Variants in HOMER2 observed in about 807,000 individuals in gnomAD.
HOMER2 encodes homer protein homolog 2.
A neutral mutation model predicts 47.0 loss-of-function variants in HOMER2; 27 were observed. The ratio of observed to expected loss-of-function variants is 0.57; its 90% CI spans 0.42 to 0.79. HOMER2 has a LOEUF of 0.79. HOMER2 is among the 30% of genes least tolerant of loss of function. The pLI is 0.00. For missense variants in HOMER2, 443 were observed against 435.0 expected, an observed-to-expected ratio of 1.02 and a Z score of -0.16; for synonymous variants, 161 against 163.8, an observed-to-expected ratio of 0.98 and a Z score of 0.13.
At chr15:82,923,382 G>A (rs946302333) in intron 1 of HOMER2, among the ~76,000 whole-genome samples, 1 of 151,854 alleles carries the variant, frequency 6.6e-6, no homozygotes, top group Non-Finnish European at 1.5e-5. Flanking sequence ...AGCTACTCAG[G>A]AGGCTGAGGC....
At chr15:82,914,634 T>C (rs2053536273) in intron 1 of HOMER2, among the ~76,000 whole-genome samples, 1 of 151,216 alleles carries the variant, frequency 6.6e-6, no homozygotes, top group South Asian at 2.1e-4. Context: ...AAATGGAGAG[T>C]AGTGATGGCT....
At position 82,888,760 on chromosome 15, in the gene HOMER2, C is replaced by T. The variant is rs1353234864; in HGVS notation, c.162+3925G>A. 2.4e-5 allele frequency among the ~76,000 whole-genome samples: 2 copies of T among 83,802 alleles called. 1 individual carries two copies. Among genetic ancestry groups the T allele is most frequent in the Non-Finnish European group, 4.5e-5 (2 of 44,476 alleles). 55.0% of individuals were successfully genotyped at this position (83,802 alleles called of 152,430 possible). On this transcript the variant is annotated intron_variant, in intron 2 of 8. Transcript: ENST00000450735. ...GCCTCGCCCTGCTTCAGCTCGCGCA[C>T]GGTGCGCACACACACTGGCCTGCGC...
chr15:82,901,142 A>G (rs572025123), intron 1 of HOMER2, among the ~76,000 whole-genome samples: 5 of 152,312 alleles, frequency 3.3e-5, no homozygotes, highest in African/African-American at 1.2e-4. Context: ...GGCTACCCAG[A>G]AAAGCCATCA....
At chr15:82,893,642 T>C (rs1320823821) in intron 1 of HOMER2, among the ~76,000 whole-genome samples, 1 of 147,402 alleles carries the variant, frequency 6.8e-6, no homozygotes, top group Non-Finnish European at 1.5e-5. Flanking sequence ...TTTTTTTTTT[T>C]AAGAGACAGT....
At chr15:82,956,974 A>T (rs2054593039), upstream of HOMER2, among the ~76,000 whole-genome samples, 1 of 152,052 alleles carries the variant, frequency 6.6e-6, no homozygotes, top group African/African-American at 2.4e-5. Flanking sequence ...ATCTCTTTGG[A>T]CTATTAAGAA....
intron 1 of HOMER2, among the ~76,000 whole-genome samples, chr15:82,903,838 T>TA (rs1473212519): frequency 1.3e-5 from 2 of 151,448 alleles, no homozygotes; most frequent in African/African-American, 2.4e-5. Context: ...CTACTAGAAA[T>TA]AGAAAAATTA....
intron 4 of HOMER2, among the ~76,000 whole-genome samples, chr15:82,861,738 G>A (rs1340249057): frequency 6.6e-6 from 1 of 152,186 alleles, no homozygotes; most frequent in Non-Finnish European, 1.5e-5. Flanking sequence ...CGGGTGCAGT[G>A]GCTCACACCT....
chr15:82,875,545 A>T, intron 2 of HOMER2, 141 bp from the exon 3 acceptor site: 1 of 818,534 alleles, frequency 1.2e-6, no homozygotes, highest in South Asian at 1.8e-5. Flanking sequence ...GTTCTCCTGG[A>T]ACAACCCATG....
chr15:82,859,290 A>G, intron 4 of HOMER2, 155 bp from the exon 5 acceptor site: 2 of 1,000,482 alleles, frequency 2.0e-6, no homozygotes, highest in South Asian at 1.6e-5. Context: ...TGCAGCAAAG[A>G]CTAACAAGTT....
At chr15:82,879,296 G>C (rs1449973438) in intron 2 of HOMER2, among the ~76,000 whole-genome samples, 1 of 152,162 alleles carries the variant, frequency 6.6e-6, no homozygotes, top group Admixed American at 6.5e-5. Context: ...AAGAGTTCGA[G>C]ACCAGCCTGG....
rs563381055 is a variant in HOMER2, at chr15:82,914,499, T to C, written c.6-21658A>G. On this transcript the variant is annotated intron_variant, in intron 1 of 8. Coordinates refer to ENST00000450735, the MANE Select transcript of HOMER2 (RefSeq NM_004839.4). ...TATTCTATGAGTCCACTTATATGAA[T>C]CAAATTGTCAAATTCATAGAGACAG... is the stretch of plus-strand genomic sequence containing the variant. Among the ~76,000 whole-genome samples, 10 of 151,730 alleles carry C rather than the reference T, an allele frequency of 6.6e-5. No homozygotes were observed. In the South Asian group the frequency reaches 2.1e-3, roughly 32 times the overall value.
intron 1 of HOMER2, among the ~76,000 whole-genome samples, chr15:82,985,148 T>C (rs1204969003): frequency 1.3e-5 from 2 of 152,220 alleles, no homozygotes; most frequent in Non-Finnish European, 2.9e-5. Flanking sequence ...TAATAATTTA[T>C]GCATGACGTA....
chr15:82,956,547 G>A (rs1282649204), upstream of HOMER2, among the ~76,000 whole-genome samples: 6 of 152,162 alleles, frequency 3.9e-5, no homozygotes, highest in African/African-American at 1.4e-4. Context: ...CTCACTCCTG[G>A]GAGAAGAGGG....
intron 1 of HOMER2, chr15:82,952,192 T>C (rs764665814): frequency 8.9e-6 from 3 of 338,958 alleles, no homozygotes; most frequent in African/African-American, 2.2e-5. Context: ...GGCCCTGGAG[T>C]TGACTGCGCC....
chr15:82,974,435 T>C (rs946325842), intron 1 of HOMER2, among the ~76,000 whole-genome samples: 2 of 151,214 alleles, frequency 1.3e-5, no homozygotes, highest in South Asian at 2.1e-4. Context: ...AAGGTCTCCA[T>C]AGAGCAAAGG....
At chr15:82,841,531 ATTTGATATAT>A (rs1161698994) in exon 2 of HOMER2, 1 of 5,698 alleles carries the variant, frequency 1.8e-4, no homozygotes, top group Non-Finnish European at 2.9e-4. Context: ...AGTAAAAAAA[ATTTGATATAT>A]ATATATCAAA....
chr15:82,965,058 T>G (rs553652367), intron 1 of HOMER2, among the ~76,000 whole-genome samples: 2 of 152,162 alleles, frequency 1.3e-5, no homozygotes, highest in Non-Finnish European at 2.9e-5. Context: ...CTCACTGCAT[T>G]GTCCAGGCTG....
upstream of HOMER2, chr15:82,986,153 T>G (rs893458655): frequency 1.0e-6 from 1 of 980,430 alleles, no homozygotes; most frequent in Non-Finnish European, 1.2e-6. Flanking sequence ...CGGAGAGCCT[T>G]AGTTATCGCG....
chr15:82,951,099 A>C (rs1218180284), intron 1 of HOMER2, among the ~76,000 whole-genome samples: 2 of 152,170 alleles, frequency 1.3e-5, no homozygotes, highest in Non-Finnish European at 2.9e-5. Flanking sequence ...CAGCCTTTTC[A>C]CAGTCCACTG....
Sources: allele counts gnomAD v4.1 joint callset (sites outside exome capture counted in the v4.1 genomes callset), GRCh38; gene constraint gnomAD v4.1.1; transcripts MANE v1.5; gene names NCBI Gene and HGNC (gene_info 2026-07-23, HGNC 2026-07-21).